SDK1: variants seen among roughly 807,000 people sequenced by gnomAD.
The protein encoded by SDK1 is protein sidekick-1.
A neutral mutation model predicts 245.5 loss-of-function variants in SDK1; 157 were observed. That is an observed-to-expected ratio of 0.64 (90% CI 0.56 to 0.73). The LOEUF (loss-of-function observed/expected upper bound fraction) is 0.73, where lower values mean the gene tolerates loss of function less well. SDK1 is among the 30% of genes least tolerant of loss of function. The probability of loss-of-function intolerance (pLI) is 0.00; values close to 1 mark genes in which losing one functional copy is unlikely to be tolerated. For synonymous variants in SDK1, 1,647 were observed against 1,278.5 expected (o/e 1.29, Z -6.15); for missense variants, 3,583 against 3,002.3 (o/e 1.19, Z -4.52).
At chr7:3,438,849 A>ATTT (rs527596036) in intron 1 of SDK1, among the ~76,000 whole-genome samples, 1,718 of 131,084 alleles carry the variant, frequency 0.013, 73 homozygotes, top group African/African-American at 0.05. Flanking sequence ...TTGTATTAAT[A>ATTT]TTTTTTTTTT....
At chr7:3,642,144 T>C in intron 4 of SDK1, 39 bp downstream of exon 4, 1 of 1,594,064 alleles carries the variant, frequency 6.3e-7, no homozygotes, top group Non-Finnish European at 8.6e-7. Flanking sequence ...AATACAATTG[T>C]AATGTCACTT....
chr7:3,807,306 G>A (rs967163624), intron 4 of SDK1, among the ~76,000 whole-genome samples: 6 of 152,190 alleles, frequency 3.9e-5, no homozygotes, highest in Admixed American at 3.9e-4. Context: ...GTTCTATCAG[G>A]ATAGGAAGGG....
Position 3,330,902 on chromosome 7 carries a change from G to A in SDK1, c.298+29018G>A, listed in dbSNP as rs186693176. Among the ~76,000 whole-genome samples, 242 of 151,888 alleles carry A rather than the reference G, an allele frequency of 1.6e-3. 5 individuals are homozygous for A. The Middle Eastern group carries it at 0.02, about 13-fold the overall frequency. ...TGGGAGGATTGCTTGAGTCCAGGAG[G>A]CTGCAGTAAACTTTGATCCTGTCAT... On this transcript the variant is annotated intron_variant, in intron 1 of 44. Coordinates refer to ENST00000404826, the MANE Select transcript of SDK1 (RefSeq NM_152744.4).
chr7:3,614,135 A>T (rs906287454), intron 1 of SDK1, among the ~76,000 whole-genome samples: 2 of 152,178 alleles, frequency 1.3e-5, no homozygotes, highest in Non-Finnish European at 2.9e-5. Flanking sequence ...AAAAGTTAAA[A>T]ATTATGATGT....
chr7:3,350,263 AAAC>A (rs776804103), intron 1 of SDK1, among the ~76,000 whole-genome samples: 4 of 152,152 alleles, frequency 2.6e-5, no homozygotes, highest in Non-Finnish European at 4.4e-5. Context: ...GTGTGGAAAA[AAAC>A]AAAGTTTATC....
intron 20 of SDK1, among the ~76,000 whole-genome samples, chr7:4,070,002 A>T (rs1780147834): frequency 6.6e-6 from 1 of 152,168 alleles, no homozygotes; most frequent in Non-Finnish European, 1.5e-5. Context: ...CACTTTCCCC[A>T]TCCACAGTCC....
At chr7:3,898,376 T>G (rs1220083420) in intron 5 of SDK1, among the ~76,000 whole-genome samples, 3 of 152,330 alleles carry the variant, frequency 2.0e-5, no homozygotes, top group Admixed American at 6.5e-5. Context: ...CAATGTCACA[T>G]CATGATGCCA....
intron 1 of SDK1, among the ~76,000 whole-genome samples, chr7:3,320,733 TAAAAA>T (rs1779782562): frequency 6.6e-6 from 1 of 152,102 alleles, no homozygotes; most frequent in South Asian, 2.1e-4. Context: ...TTATCTTTGT[TAAAAA>T]AGAAAATACC....
chr7:3,429,231 A>G (rs1779761412), intron 1 of SDK1, among the ~76,000 whole-genome samples: 1 of 62,862 alleles, frequency 1.6e-5, no homozygotes, highest in South Asian at 7.2e-4. Context: ...CTGAGAAAAA[A>G]TATGATAAAA....
intron 37 of SDK1, among the ~76,000 whole-genome samples, chr7:4,208,876 C>A (rs900017095): frequency 6.6e-6 from 1 of 152,240 alleles, no homozygotes; most frequent in Non-Finnish European, 1.5e-5. Context: ...CCTCTTCCAG[C>A]GCATCTCAGT....
chr7:3,538,582 A>G (rs552611243), intron 1 of SDK1, among the ~76,000 whole-genome samples: 19 of 152,328 alleles, frequency 1.2e-4, no homozygotes, highest in South Asian at 6.2e-4. Flanking sequence ...AGGCAGGCCA[A>G]TGCTGTCCAT....
intron 1 of SDK1, among the ~76,000 whole-genome samples, chr7:3,405,157 A>C (rs953556987): frequency 7.5e-5 from 11 of 145,990 alleles, no homozygotes; most frequent in African/African-American, 3.0e-4. Flanking sequence ...GTAAAAAAAA[A>C]CCAAAAAAAA....
At chr7:3,855,599 G>A (rs1472700606) in intron 5 of SDK1, among the ~76,000 whole-genome samples, 1 of 152,214 alleles carries the variant, frequency 6.6e-6, no homozygotes, top group Non-Finnish European at 1.5e-5. Flanking sequence ...GATAGAGCCA[G>A]CAGTGCCAAT....
In SDK1 at chr7:3,801,006, A is replaced by G. The variant is rs116633147; in HGVS notation, c.714-20444A>G. 2.8e-3 allele frequency among the ~76,000 whole-genome samples: 419 copies of G among 152,262 alleles called. 3 individuals carry two copies. The highest frequency in any genetic ancestry group is 9.8e-3 in the African/African-American group (409 of 41,554). On this transcript the variant is annotated intron_variant, in intron 4 of 44. Transcript: ENST00000404826. ...TCCCACCCTAACAGAAATGTCCTGAACTCAGACATTTGCACAACAAATTGA... is the reference window on the plus strand; with the variant it reads ...TCCCACCCTAACAGAAATGTCCTGAGCTCAGACATTTGCACAACAAATTGA...
At chr7:3,425,361 C>T (rs941555978) in intron 1 of SDK1, among the ~76,000 whole-genome samples, 1 of 152,132 alleles carries the variant, frequency 6.6e-6, no homozygotes, top group Non-Finnish European at 1.5e-5. Flanking sequence ...TCCCTTTAAG[C>T]ATAAATCTGT....
chr7:3,496,652 G>C (rs1782035918), intron 1 of SDK1, among the ~76,000 whole-genome samples: 1 of 152,162 alleles, frequency 6.6e-6, no homozygotes, highest in African/African-American at 2.4e-5. Context: ...ACTTAACAGA[G>C]TTCATAGTGA....
At chr7:3,907,039 C>T (rs997654465) in intron 5 of SDK1, among the ~76,000 whole-genome samples, 1 of 152,154 alleles carries the variant, frequency 6.6e-6, no homozygotes. Context: ...ATCTTACGTC[C>T]TTGTAGCAGG....
chr7:4,200,196 A>T (rs1322150863), intron 35 of SDK1, among the ~76,000 whole-genome samples: 1 of 152,138 alleles, frequency 6.6e-6, no homozygotes, highest in African/African-American at 2.4e-5. Context: ...AGACATGTGG[A>T]CCCTGACAAT....
chr7:3,456,063 C>G (rs1391667467), intron 1 of SDK1, among the ~76,000 whole-genome samples: 1 of 152,188 alleles, frequency 6.6e-6, no homozygotes, highest in Admixed American at 6.5e-5. Context: ...TGAAAACCTT[C>G]TGGTCTCCAT....
Sources: allele counts gnomAD v4.1 joint callset (sites outside exome capture counted in the v4.1 genomes callset), GRCh38; gene constraint gnomAD v4.1.1; transcripts MANE v1.5; gene names NCBI Gene and HGNC (gene_info 2026-07-23, HGNC 2026-07-21).